Variants in SEMA7A observed in about 807,000 individuals in gnomAD.
SEMA7A encodes semaphorin 7A (JohnMiltonHagen blood group).
In SEMA7A, 21 loss-of-function variants were observed where a neutral mutation model predicts 67.5. The ratio of observed to expected loss-of-function variants is 0.31; its 90% CI spans 0.22 to 0.45. The LOEUF is 0.45. Among genes scored for constraint, SEMA7A ranks in the 20% least tolerant of loss-of-function variants. SEMA7A has a pLI of 1.00. For synonymous variants in SEMA7A, 364 were observed against 368.5 expected (o/e 0.99, Z 0.14); for missense variants, 774 against 908.6 (o/e 0.85, Z 1.90).
At chr15:74,412,727 T>C (rs1289467034) in intron 10 of SEMA7A, among the ~76,000 whole-genome samples, 1 of 152,202 alleles carries the variant, frequency 6.6e-6, no homozygotes, top group Non-Finnish European at 1.5e-5. Flanking sequence ...TTAACAAAAC[T>C]ACAGACTTTA....
rs993682864 is a variant in SEMA7A, at chr15:74,417,650, C to T, written c.491G>A (p.Gly164Asp). The stretch of plus-strand genomic sequence containing the variant: ...GAAGGGGGCGTAGCCTCTCATCTCG[C>T]CAAGTGGCACCACAGTGCCATTCAC... ...NLVNGTVVPL[G>D]EMRGYAPFSP... Residue 164 changes from glycine (G) to aspartate (D), a missense_variant, in exon 5 of 14, where the codon GGC becomes GAC. This residue lies in a region of SEMA7A where 347 missense variants were observed against 353.2 expected (regional missense o/e 0.98). Transcript: ENST00000261918. The T allele has an allele frequency of 1.9e-6, 3 of 1,612,116 alleles. No homozygotes were observed. Among genetic ancestry groups the T allele is most frequent in the Admixed American group, 3.3e-5 (2 of 59,954 alleles).
Position 74,414,409 on chromosome 15 carries a change from A to G in SEMA7A, c.1294+138T>C. On this transcript the variant is annotated intron_variant, in intron 10 of 13. Transcript: ENST00000261918. The surrounding 1 kb of genome is among the most constrained non-coding windows in gnomAD (Gnocchi z 4.1). ...GCCTGACTCTTCCACACCCACACAC[A>G]TTAACCCCTGACAACTCCAGTCACT... 1.1e-6 allele frequency: 1 copy of G among 948,464 alleles called. No homozygotes were observed. Among genetic ancestry groups the G allele is most frequent in the Admixed American group, 2.0e-5 (1 of 50,926 alleles). 58.8% of individuals were successfully genotyped at this position (948,464 alleles called of 1,614,324 possible). A position where few individuals can be genotyped will look rare whatever the true frequency, so the allele number is the denominator to read the frequency against.
At position 74,423,196 on chromosome 15, in the gene SEMA7A, G is replaced by A. The variant is rs561419126; in HGVS notation, c.179-4244C>T. On this transcript the variant is annotated intron_variant, in intron 1 of 13. Coordinates refer to ENST00000261918, the MANE Select transcript of SEMA7A (RefSeq NM_003612.5). The surrounding 1 kb of genome is among the most constrained non-coding windows in gnomAD (Gnocchi z 4.1). ...GAGAGCCAGCACATCTGGCAGGAGC[G>A]TCCTCCCACAGTTGTGCCCCCACCC... Among the ~76,000 whole-genome samples the A allele has an allele frequency of 7.5e-4, 114 of 152,280 alleles. No homozygotes were observed. Among genetic ancestry groups the A allele is most frequent in the South Asian group, 2.1e-3 (10 of 4,830 alleles).
chr15:74,428,339 G>C (rs1355703874), intron 1 of SEMA7A, among the ~76,000 whole-genome samples: 1 of 152,198 alleles, frequency 6.6e-6, no homozygotes, highest in Non-Finnish European at 1.5e-5. Context: ...CAGGCTGAGA[G>C]CTGGGGCAGA....
chr15:74,411,505 C>G lies in SEMA7A; in HGVS notation c.1577+51G>C, dbSNP rs1398688714. On this transcript the variant is annotated intron_variant, in intron 12 of 13. Coordinates refer to ENST00000261918, the MANE Select transcript of SEMA7A (RefSeq NM_003612.5). The surrounding 1 kb of genome is among the most constrained non-coding windows in gnomAD (Gnocchi z 4.4). ...CTCCTCCAGCCCGACAACACCTCCC[C>G]CTCTCCCATGCCCACCTTCTCCCAG... The G allele has an allele frequency of 6.5e-7, 1 of 1,545,048 alleles. No homozygotes were observed. Among genetic ancestry groups the G allele is most frequent in the Non-Finnish European group, 8.7e-7 (1 of 1,144,552 alleles).
Position 74,410,768 on chromosome 15 carries a change from G to C in SEMA7A, c.1857C>G (p.Ser619=). The C allele has an allele frequency of 6.2e-7, 1 of 1,614,154 alleles. No homozygotes were observed. The highest frequency in any genetic ancestry group is 8.5e-7 in the Non-Finnish European group (1 of 1,180,032). ...GHYFCEAQEG[S]YFREAQHWQL... The stretch of plus-strand genomic sequence containing the variant: ...GCCAGTGCTGAGCCTCGCGGAAGTA[G>C]GAGCCCTCCTGGGCCTCGCAGAAGT... The change falls in exon 14 of 14, where the codon TCC becomes TCG. Residue 619 remains serine, a synonymous_variant. Transcript: ENST00000261918. This position sits in a 1 kb window ranked among gnomAD's most constrained non-coding sequence, Gnocchi z 7.5.
intron 1 of SEMA7A, among the ~76,000 whole-genome samples, chr15:74,431,923 T>G (rs1477976371): frequency 1.3e-5 from 2 of 152,144 alleles, no homozygotes; most frequent in Non-Finnish European, 2.9e-5. Flanking sequence ...ACAGCCAGTG[T>G]GGCTACAGCA....
chr15:74,419,639 T>C (rs951465407), intron 1 of SEMA7A, among the ~76,000 whole-genome samples: 2 of 152,060 alleles, frequency 1.3e-5, no homozygotes, highest in Non-Finnish European at 2.9e-5. Context: ...CGGAAGCAGG[T>C]CAGTAGCAGA....
chr15:74,415,557 A>G (rs1444363361), intron 8 of SEMA7A, among the ~76,000 whole-genome samples: 1 of 152,070 alleles, frequency 6.6e-6, no homozygotes, highest in South Asian at 2.1e-4. Context: ...CACAGGCACA[A>G]GTGCAGTCAT....
chr15:74,418,455 G>C, intron 2 of SEMA7A, 146 bp from the exon 3 acceptor site: 1 of 810,698 alleles, frequency 1.2e-6, no homozygotes, highest in Non-Finnish European at 2.0e-6. Context: ...GAGAGGGTGA[G>C]TGATCTACCT....
At chr15:74,427,462 G>A (rs923822139) in intron 1 of SEMA7A, 1 of 845,366 alleles carries the variant, frequency 1.2e-6, no homozygotes, top group Admixed American at 6.2e-5. Flanking sequence ...CCAAGTAGCT[G>A]GGATTACAGG....
intron 1 of SEMA7A, 119 bp downstream of exon 1, chr15:74,433,622 G>A: frequency 7.8e-7 from 1 of 1,280,824 alleles, no homozygotes; most frequent in African/African-American, 1.6e-5. Flanking sequence ...GGGACAGCGC[G>A]GGGACAGCCC....
chr15:74,413,718 A>G (rs915253432), intron 10 of SEMA7A, among the ~76,000 whole-genome samples: 2 of 152,148 alleles, frequency 1.3e-5, no homozygotes, highest in Non-Finnish European at 2.9e-5. Context: ...GAGCCAAACA[A>G]TGGTGCTGGG....
chr15:74,414,404 C>A lies in SEMA7A; in HGVS notation c.1294+143G>T. 1 of 902,182 alleles carries A rather than the reference C, an allele frequency of 1.1e-6. No individual in the cohort carries two copies. Among genetic ancestry groups the A allele is most frequent in the Admixed American group, 2.0e-5 (1 of 48,840 alleles). The allele number at this position is 902,182 out of a possible 1,614,324, so 55.9% of individuals were successfully genotyped here. A position where few individuals can be genotyped will look rare whatever the true frequency, so the allele number is the denominator to read the frequency against. The stretch of plus-strand genomic sequence containing the variant: ...TCCCTGCCTGACTCTTCCACACCCA[C>A]ACACATTAACCCCTGACAACTCCAG... On this transcript the variant is annotated intron_variant, in intron 10 of 13. Transcript: ENST00000261918. This position sits in a 1 kb window ranked among gnomAD's most constrained non-coding sequence, Gnocchi z 4.1.
intron 7 of SEMA7A, among the ~76,000 whole-genome samples, chr15:74,416,318 A>AAC (rs371685466): frequency 0.034 from 5,086 of 148,070 alleles, 218 homozygotes; most frequent in African/African-American, 0.1. Context: ...ACACAGGCAA[A>AAC]ACACACACAC....
At chr15:74,432,313 G>A (rs558030772) in intron 1 of SEMA7A, among the ~76,000 whole-genome samples, 14 of 152,294 alleles carry the variant, frequency 9.2e-5, no homozygotes, top group Admixed American at 1.3e-4. Context: ...GATGGCAGAG[G>A]GGTGTGCAGG....
chr15:74,411,020 G>A lies in SEMA7A; in HGVS notation c.1640-35C>T. On this transcript the variant is annotated intron_variant, in intron 13 of 13. Coordinates refer to ENST00000261918, the MANE Select transcript of SEMA7A (RefSeq NM_003612.5). This position sits in a 1 kb window ranked among gnomAD's most constrained non-coding sequence, Gnocchi z 4.4. ...CAGTGGGGAAGCAGCCGTGAGGAGG[G>A]ACAAAGAGCTCCCAGGGGAGGATGT... is the stretch of plus-strand genomic sequence containing the variant. 1 of 1,590,164 alleles carries A rather than the reference G, an allele frequency of 6.3e-7. No individual in the cohort carries two copies. The highest frequency in any genetic ancestry group is 1.1e-5 in the South Asian group (1 of 87,976).
At chr15:74,413,363 GCA>G (rs2060918179) in intron 10 of SEMA7A, among the ~76,000 whole-genome samples, 1 of 152,210 alleles carries the variant, frequency 6.6e-6, no homozygotes, top group South Asian at 2.1e-4. Context: ...TACGAATGAT[GCA>G]GGCTCCAAAA....
Position 74,414,523 on chromosome 15 carries a change from G to A in SEMA7A, c.1294+24C>T, listed in dbSNP as rs772633703. Reference sequence around the variant, plus strand: ...CATGCCCGTTTTTACAAAGCAAACTGAGGGTCCCGGGGTAGCCTCTCACCT... The same window carrying A: ...CATGCCCGTTTTTACAAAGCAAACTAAGGGTCCCGGGGTAGCCTCTCACCT... On this transcript the variant is annotated intron_variant, in intron 10 of 13. Transcript: ENST00000261918. This position sits in a 1 kb window ranked among gnomAD's most constrained non-coding sequence, Gnocchi z 4.1. The A allele has an allele frequency of 6.2e-7, 1 of 1,609,190 alleles. No homozygotes were observed. Among genetic ancestry groups the A allele is most frequent in the Non-Finnish European group, 8.5e-7 (1 of 1,175,932 alleles).
Sources: allele counts gnomAD v4.1 joint callset (sites outside exome capture counted in the v4.1 genomes callset), GRCh38; gene constraint gnomAD v4.1.1; regional missense constraint gnomAD v4.1.1; non-coding constraint Gnocchi (gnomAD v3.1); transcripts MANE v1.5; gene names NCBI Gene and HGNC (gene_info 2026-07-23, HGNC 2026-07-21).